NWD2: variants seen among roughly 807,000 people sequenced by gnomAD.
NWD2 encodes NACHT and WD repeat domain-containing protein 2.
In NWD2, 37 loss-of-function variants were observed where a neutral mutation model predicts 132.7. That is an observed-to-expected ratio of 0.28 (90% CI 0.21 to 0.37). NWD2 has a LOEUF of 0.37. Ranked by LOEUF, NWD2 falls within the 10% of genes least tolerant of loss-of-function variation. The pLI is 1.00. For missense variants in NWD2, 1,592 were observed against 2,122.4 expected, an observed-to-expected ratio of 0.75 and a Z score of 4.91; for synonymous variants, 705 against 803.0, an observed-to-expected ratio of 0.88 and a Z score of 2.06.
intron 5 of NWD2, 139 bp downstream of exon 5, chr4:37,434,159 G>C (rs902306554): frequency 9.3e-6 from 5 of 535,276 alleles, no homozygotes; most frequent in Non-Finnish European, 1.6e-5. Flanking sequence ...CCATGTTCTG[G>C]AGAAGCAAAT....
At chr4:37,351,349 A>C (rs530141427) in intron 2 of NWD2, among the ~76,000 whole-genome samples, 1 of 152,130 alleles carries the variant, frequency 6.6e-6, no homozygotes, top group Non-Finnish European at 1.5e-5. Flanking sequence ...TACTGCCTCA[A>C]TTGCAGAACT....
chr4:37,376,680 TA>T (rs1720355739), intron 3 of NWD2, among the ~76,000 whole-genome samples: 1 of 152,222 alleles, frequency 6.6e-6, no homozygotes, highest in Non-Finnish European at 1.5e-5. Context: ...TACTTGATAT[TA>T]ATACTTCATG....
In NWD2 at chr4:37,433,883, C is replaced by G; in HGVS notation, c.569C>G (p.Pro190Arg). 4.5e-6 allele frequency: 7 copies of G among 1,542,352 alleles called. No homozygotes were observed. Among genetic ancestry groups the G allele is most frequent in the Non-Finnish European group, 6.1e-6 (7 of 1,142,144 alleles). The change falls in exon 5 of 7, where the codon CCT (proline) becomes CGT (arginine). Residue 190 changes from proline (P) to arginine (R), a missense_variant. Physicochemically the swap from Pro to Arg is moderately radical, Grantham distance 103 (BLOSUM62 -2). Around this residue, in one of 7 missense-constraint regions of NWD2, gnomAD observed 144 missense variants for 185.7 expected, o/e 0.78. Coordinates refer to ENST00000309447, the MANE Select transcript of NWD2 (RefSeq NM_001144990.2). ...MLRSNRNAMQ[P>R]STNAENEKTW... ...CCTTTTACATTTCTATAGATGCAGC[C>G]TTCTACCAATGCTGAAAACGAGAAG...
At chr4:37,356,596 G>A (rs1056011611) in intron 3 of NWD2, 114 bp downstream of exon 3, 24 of 670,700 alleles carry the variant, frequency 3.6e-5, no homozygotes, top group Non-Finnish European at 6.1e-5. Context: ...ACTTTTTTAT[G>A]TCTATTTAAA....
At position 37,443,882 on chromosome 4, in the gene NWD2, T is replaced by G. The variant is rs145971751; in HGVS notation, c.1894T>G (p.Ser632Ala). 3.2e-5 allele frequency: 49 copies of G among 1,552,322 alleles called. No individual in the cohort carries two copies. In the East Asian group the frequency reaches 1.1e-3, roughly 36 times the overall value. The change falls in exon 7 of 7, where the codon TCC becomes GCC. Residue 632 changes from serine to alanine, a missense_variant. Ser to Ala is a moderately conservative substitution (Grantham distance 99, BLOSUM62 1). Coordinates refer to ENST00000309447, the MANE Select transcript of NWD2 (RefSeq NM_001144990.2). This position sits in a 1 kb window ranked among gnomAD's most constrained non-coding sequence, Gnocchi z 4.1. ...GAGATCTCACAAAGACGTCGATGAA[T>G]CCTCCCTCTCTGTCACCGTTCATGA... is the stretch of plus-strand genomic sequence containing the variant. The part of the protein sequence containing the change: ...HWRSHKDVDE[S>A]SLSVTVHESI...
chr4:37,434,993 C>T (rs565801520), intron 5 of NWD2, among the ~76,000 whole-genome samples: 1 of 152,042 alleles, frequency 6.6e-6, no homozygotes, highest in Non-Finnish European at 1.5e-5. Flanking sequence ...AAAATAAAAA[C>T]CCACCCAGTT....
chr4:37,327,853 G>A (rs563897985), intron 2 of NWD2, among the ~76,000 whole-genome samples: 4 of 151,924 alleles, frequency 2.6e-5, no homozygotes, highest in African/African-American at 7.3e-5. Context: ...CAGTATCCCC[G>A]ACTCCATCTT....
chr4:37,411,191 T>TCAGTGAA (rs1721148008), intron 3 of NWD2, among the ~76,000 whole-genome samples: 1 of 150,386 alleles, frequency 6.6e-6, no homozygotes, highest in African/African-American at 2.4e-5. Context: ...TTTCAAAAAA[T>TCAGTGAA]TCCAGGAGCT....
intron 3 of NWD2, among the ~76,000 whole-genome samples, chr4:37,388,905 A>G (rs1439122704): frequency 1.3e-5 from 2 of 151,210 alleles, no homozygotes; most frequent in Non-Finnish European, 2.9e-5. Context: ...AGCTCCTGAT[A>G]TGGGTTACTG....
intron 3 of NWD2, among the ~76,000 whole-genome samples, chr4:37,429,109 G>A (rs974131775): frequency 6.6e-6 from 1 of 152,026 alleles, no homozygotes; most frequent in Non-Finnish European, 1.5e-5. Flanking sequence ...ACCAAAAAAA[G>A]GTTTTTAATA....
intron 5 of NWD2, among the ~76,000 whole-genome samples, chr4:37,435,649 T>C (rs899946413): frequency 6.6e-6 from 1 of 152,176 alleles, no homozygotes; most frequent in Non-Finnish European, 1.5e-5. Flanking sequence ...AGTCATCCTC[T>C]TATTTACAAT....
chr4:37,317,050 A>G (rs1718973331), intron 1 of NWD2, among the ~76,000 whole-genome samples: 1 of 152,114 alleles, frequency 6.6e-6, no homozygotes, highest in Non-Finnish European at 1.5e-5. Flanking sequence ...TGGGTCACCC[A>G]TTTGTCTGTG....
chr4:37,414,117 T>C (rs1366541997), intron 3 of NWD2, among the ~76,000 whole-genome samples: 1 of 151,754 alleles, frequency 6.6e-6, no homozygotes, highest in Admixed American at 6.6e-5. Flanking sequence ...ACATAAAGTA[T>C]AATAAAAAAA....
chr4:37,371,912 G>C (rs1174355933), intron 3 of NWD2, among the ~76,000 whole-genome samples: 1 of 152,090 alleles, frequency 6.6e-6, no homozygotes, highest in Non-Finnish European at 1.5e-5. Flanking sequence ...TGTATTCATG[G>C]TATAAACACT....
At chr4:37,369,599 G>A (rs563919123) in intron 3 of NWD2, among the ~76,000 whole-genome samples, 1 of 152,196 alleles carries the variant, frequency 6.6e-6, no homozygotes, top group African/African-American at 2.4e-5. Flanking sequence ...AAATCAGTGT[G>A]GACCATCAAA....
At chr4:37,306,834 CACA>C in intron 1 of NWD2, among the ~76,000 whole-genome samples, 1 of 152,004 alleles carries the variant, frequency 6.6e-6, no homozygotes, top group East Asian at 1.9e-4. Flanking sequence ...CATCCTAGCT[CACA>C]TGGGGAAACC....
intron 5 of NWD2, among the ~76,000 whole-genome samples, chr4:37,436,662 C>G (rs1712331302): frequency 6.6e-6 from 1 of 152,104 alleles, no homozygotes; most frequent in Admixed American, 6.5e-5. Flanking sequence ...ATAGATACTA[C>G]AGTTTGACCG....
rs569428456 is a variant in NWD2 at position 37,274,485 on chromosome 4, C to T, written c.151+29267C>T. 1.8e-4 allele frequency among the ~76,000 whole-genome samples: 27 copies of T among 152,198 alleles called. No individual in the cohort carries two copies. In the South Asian group the frequency reaches 4.6e-3, roughly 26 times the overall value. On this transcript the variant is annotated intron_variant, in intron 1 of 6. Coordinates refer to ENST00000309447, the MANE Select transcript of NWD2 (RefSeq NM_001144990.2). ...GTCCAGGACCAGACAGATTGACAGC[C>T]GAATTCTACCAGCGGTACAAGAAGG...
At chr4:37,314,809 T>G (rs1316784456) in intron 1 of NWD2, among the ~76,000 whole-genome samples, 1 of 152,156 alleles carries the variant, frequency 6.6e-6, no homozygotes. Flanking sequence ...TGAGTTTGTT[T>G]TGGGTTCAGT....
Sources: allele counts gnomAD v4.1 joint callset (sites outside exome capture counted in the v4.1 genomes callset), GRCh38; gene constraint gnomAD v4.1.1; regional missense constraint gnomAD v4.1.1; non-coding constraint Gnocchi (gnomAD v3.1); transcripts MANE v1.5; gene names NCBI Gene and HGNC (gene_info 2026-07-23, HGNC 2026-07-21).